RAB11FIP4: variants seen among roughly 807,000 people sequenced by gnomAD.
RAB11FIP4 encodes the protein RAB11 family interacting protein 4, also known as rab11 family-interacting protein 4.
Under a neutral mutation model 74.3 loss-of-function variants are expected in RAB11FIP4, and 23 were observed. The observed-to-expected ratio is 0.31, with a 90% CI of 0.22 to 0.44. The LOEUF is 0.44. Ranked by LOEUF, RAB11FIP4 falls within the 20% of genes least tolerant of loss-of-function variation. The pLI is 1.00. For missense variants in RAB11FIP4, 630 were observed against 863.9 expected (o/e 0.73, Z 3.39); for synonymous variants, 360 against 359.9 (o/e 1.00, Z 0.00).
At chr17:31,428,978 GATT>G (rs797016079) in intron 1 of RAB11FIP4, among the ~76,000 whole-genome samples, 3 of 150,556 alleles carry the variant, frequency 2.0e-5, no homozygotes, top group Non-Finnish European at 4.4e-5. Context: ...TGATGATGAT[GATT>G]ATTATTATTA....
At chr17:31,481,437 T>C (rs1339459150) in intron 3 of RAB11FIP4, among the ~76,000 whole-genome samples, 2 of 152,184 alleles carry the variant, frequency 1.3e-5, no homozygotes, top group Admixed American at 1.3e-4. Flanking sequence ...ACAAAGCTTC[T>C]AGCTGAGTTA....
intron 3 of RAB11FIP4, among the ~76,000 whole-genome samples, chr17:31,489,147 C>T (rs2071959185): frequency 1.3e-5 from 2 of 152,230 alleles, no homozygotes; most frequent in African/African-American, 4.8e-5. Flanking sequence ...CACTTAGCCT[C>T]CACCAGGTCT....
intron 3 of RAB11FIP4, among the ~76,000 whole-genome samples, chr17:31,468,430 G>T (rs2071706091): frequency 6.6e-6 from 1 of 152,118 alleles, no homozygotes; most frequent in Non-Finnish European, 1.5e-5. Flanking sequence ...TAATCTTTCT[G>T]TGCCTCAGCC....
rs145575439 is a variant in RAB11FIP4 at position 31,467,511 on chromosome 17, T to C, written c.336+33389T>C. 2.8e-3 allele frequency among the ~76,000 whole-genome samples: 432 copies of C among 152,254 alleles called. 2 individuals carry two copies. Among genetic ancestry groups the C allele is most frequent in the African/African-American group, 9.3e-3 (385 of 41,536 alleles). ...CCTCAGTCTTTCTCTCTGACTTAAT[T>C]CTCTTCTCTGAGTGGTTCTGATGCT... On this transcript the variant is annotated intron_variant, in intron 3 of 14. Coordinates refer to ENST00000621161, the MANE Select transcript of RAB11FIP4 (RefSeq NM_032932.6).
intron 1 of RAB11FIP4, among the ~76,000 whole-genome samples, chr17:31,430,141 C>A (rs993011810): frequency 1.3e-5 from 2 of 152,100 alleles, no homozygotes; most frequent in East Asian, 3.9e-4. Flanking sequence ...GAAGGATGAA[C>A]TGACATGGCG....
intron 3 of RAB11FIP4, among the ~76,000 whole-genome samples, chr17:31,517,400 T>C (rs2142807269): frequency 6.6e-6 from 1 of 152,254 alleles, no homozygotes; most frequent in Non-Finnish European, 1.5e-5. Flanking sequence ...CTAGCCTGAC[T>C]GTGGCCCTTC....
intron 3 of RAB11FIP4, among the ~76,000 whole-genome samples, chr17:31,491,778 G>A (rs61079679): frequency 0.12 from 17,949 of 152,178 alleles, 3,274 homozygotes; most frequent in African/African-American, 0.39. Flanking sequence ...GGCACGAGCT[G>A]CCTTCCATTG....
At chr17:31,516,512 C>T (rs935975949) in intron 3 of RAB11FIP4, among the ~76,000 whole-genome samples, 5 of 152,224 alleles carry the variant, frequency 3.3e-5, no homozygotes, top group African/African-American at 1.2e-4. Flanking sequence ...CTCTGTCACC[C>T]AGGCCGAACT....
chr17:31,525,544 C>A, intron 10 of RAB11FIP4: 1 of 358,938 alleles, frequency 2.8e-6, no homozygotes, highest in South Asian at 4.1e-5. Context: ...CTGTCAGGTT[C>A]TCCCCTGACC....
chr17:31,467,845 T>G (rs2071700344), intron 3 of RAB11FIP4, among the ~76,000 whole-genome samples: 1 of 152,202 alleles, frequency 6.6e-6, no homozygotes, highest in Non-Finnish European at 1.5e-5. Flanking sequence ...GGGCCCATTC[T>G]AATTAAGGTA....
At position 31,391,880 on chromosome 17, in the gene RAB11FIP4, GC is replaced by G; in HGVS notation, c.33del (p.Ala12ArgfsTer47). 1 of 1,190,006 alleles carries G rather than the reference GC, an allele frequency of 8.4e-7. No homozygotes were observed. The allele number at this position is 1,190,006 out of a possible 1,614,324, so 73.7% of individuals were successfully genotyped here. A position where few individuals can be genotyped will look rare whatever the true frequency, so the allele number is the denominator to read the frequency against. ...GGCGGGCGGCGCGGGCTGGTCGGGC[GC>G]CCCCGCGGCTCTGCTGCGCTCCGTG... MAGGAGWSG[A>X]PAALLRSVRR... On this transcript the variant is annotated frameshift_variant, in exon 1 of 15. Transcript: ENST00000621161. LOFTEE classifies it high-confidence loss of function.
At chr17:31,398,837 G>C (rs1597895296) in intron 1 of RAB11FIP4, among the ~76,000 whole-genome samples, 1 of 152,172 alleles carries the variant, frequency 6.6e-6, no homozygotes, top group Admixed American at 6.5e-5. Context: ...TGGGCTGGTG[G>C]GCGGGGAGTA....
intron 1 of RAB11FIP4, among the ~76,000 whole-genome samples, chr17:31,425,636 G>A (rs1021115677): frequency 6.6e-6 from 1 of 152,226 alleles, no homozygotes; most frequent in Admixed American, 6.5e-5. Flanking sequence ...GGGAAGCCTG[G>A]TAATTGAGTG....
chr17:31,494,028 G>A (rs2072066163), intron 3 of RAB11FIP4, among the ~76,000 whole-genome samples: 1 of 152,182 alleles, frequency 6.6e-6, no homozygotes, highest in South Asian at 2.1e-4. Flanking sequence ...GTAGAATGGG[G>A]TTGATAATAG....
chr17:31,454,305 G>C (rs1029770591), intron 3 of RAB11FIP4, among the ~76,000 whole-genome samples: 1 of 152,046 alleles, frequency 6.6e-6, no homozygotes, highest in Middle Eastern at 3.2e-3. Context: ...ATGGAGTCTC[G>C]TTCTGTCACC....
chr17:31,423,815 CTTCT>C (rs1304510710), intron 1 of RAB11FIP4, among the ~76,000 whole-genome samples: 5 of 152,102 alleles, frequency 3.3e-5, no homozygotes, highest in African/African-American at 1.2e-4. Context: ...CTCAAGCTCC[CTTCT>C]TTCTGTGATG....
At position 31,521,265 on chromosome 17, in the gene RAB11FIP4, G is replaced by C. The variant is rs142101721; in HGVS notation, c.663G>C (p.Glu221Asp). The C allele has an allele frequency of 6.2e-6, 10 of 1,613,950 alleles. No individual in the cohort carries two copies. Among genetic ancestry groups the C allele is most frequent in the African/African-American group, 4.0e-5 (3 of 74,910 alleles). The change falls in exon 5 of 15, where the codon GAG becomes GAC. Residue 221 changes from glutamate to aspartate, a missense_variant. By Grantham distance (45) the Glu-to-Asp change is conservative. Coordinates refer to ENST00000621161, the MANE Select transcript of RAB11FIP4 (RefSeq NM_032932.6). The stretch of plus-strand genomic sequence containing the variant: ...AGGAGCAGTTTGAAGACTATGGGGA[G>C]GGTGACGATGTGGACTGTGCCCCCA... Reference protein sequence around the residue: ...SNEEQFEDYGEGDDVDCAPSS... With the variant: ...SNEEQFEDYGDGDDVDCAPSS...
chr17:31,454,713 G>A (rs1461836667), intron 3 of RAB11FIP4, among the ~76,000 whole-genome samples: 1 of 152,006 alleles, frequency 6.6e-6, no homozygotes, highest in Non-Finnish European at 1.5e-5. Flanking sequence ...GTGAAACCCC[G>A]TCTCTACTAA....
chr17:31,497,313 G>A (rs953747842), intron 3 of RAB11FIP4, among the ~76,000 whole-genome samples: 3 of 152,072 alleles, frequency 2.0e-5, no homozygotes, highest in Admixed American at 2.0e-4. Context: ...GCAGTGAGCC[G>A]AGATCATGCC....
Sources: allele counts gnomAD v4.1 joint callset (sites outside exome capture counted in the v4.1 genomes callset), GRCh38; gene constraint gnomAD v4.1.1; transcripts MANE v1.5; gene names NCBI Gene and HGNC (gene_info 2026-07-23, HGNC 2026-07-21).